Variants in DCC observed in about 807,000 individuals in gnomAD.
The protein encoded by DCC is DCC netrin 1 receptor.
DCC carries 58 observed loss-of-function variants against 172.5 expected under a neutral mutation model. The observed-to-expected ratio is 0.34, with a 90% CI of 0.27 to 0.42. The LOEUF (loss-of-function observed/expected upper bound fraction) is 0.42, where lower values mean the gene tolerates loss of function less well. Among genes scored for constraint, DCC ranks in the 10% least tolerant of loss-of-function variants. The probability of loss-of-function intolerance (pLI) is 1.00; values close to 1 mark genes in which losing one functional copy is unlikely to be tolerated. For synonymous variants in DCC, 709 were observed against 644.5 expected, an observed-to-expected ratio of 1.10 and a Z score of -1.52; for missense variants, 1,740 against 1,791.0, an observed-to-expected ratio of 0.97 and a Z score of 0.51.
At chr18:53,018,106 C>A (rs1263011943) in intron 5 of DCC, among the ~76,000 whole-genome samples, 4 of 152,148 alleles carry the variant, frequency 2.6e-5, no homozygotes, top group Non-Finnish European at 4.4e-5. Flanking sequence ...CACCATGGCA[C>A]GTGTATACCT....
chr18:53,082,076 C>T (rs1405291388), intron 7 of DCC, among the ~76,000 whole-genome samples: 1 of 152,086 alleles, frequency 6.6e-6, no homozygotes, highest in Admixed American at 6.6e-5. Flanking sequence ...CGTTGGTCCC[C>T]ATGCAGCAGT....
At chr18:53,064,578 A>G (rs986261855) in intron 6 of DCC, among the ~76,000 whole-genome samples, 2 of 152,138 alleles carry the variant, frequency 1.3e-5, no homozygotes, top group African/African-American at 4.8e-5. Context: ...ACTTTCAGAA[A>G]CTTTCATAAT....
intron 1 of DCC, among the ~76,000 whole-genome samples, chr18:52,418,758 A>C (rs772978391): frequency 1.6e-4 from 24 of 152,042 alleles, no homozygotes; most frequent in African/African-American, 5.8e-4. Flanking sequence ...CCAATACAAA[A>C]TATCCTAGGA....
intron 2 of DCC, among the ~76,000 whole-genome samples, chr18:52,872,269 G>A (rs941800522): frequency 6.6e-6 from 1 of 152,176 alleles, no homozygotes; most frequent in African/African-American, 2.4e-5. Context: ...GCTAGCAAAG[G>A]TGGGTGGTCT....
chr18:53,184,891 C>A (rs543868610), intron 9 of DCC, among the ~76,000 whole-genome samples: 1 of 152,216 alleles, frequency 6.6e-6, no homozygotes, highest in African/African-American at 2.4e-5. Flanking sequence ...TTGATCACAG[C>A]TCTGTCTAGC....
chr18:52,755,927 G>T (rs1360525581), intron 2 of DCC, among the ~76,000 whole-genome samples: 1 of 152,146 alleles, frequency 6.6e-6, no homozygotes, highest in Non-Finnish European at 1.5e-5. Flanking sequence ...CTTCTCAAGT[G>T]CTCTTAAAGG....
intron 1 of DCC, among the ~76,000 whole-genome samples, chr18:52,643,401 A>G (rs1436509178): frequency 1.3e-5 from 2 of 152,194 alleles, no homozygotes; most frequent in African/African-American, 4.8e-5. Flanking sequence ...GGTTGAAGAA[A>G]TTAGGGAATA....
chr18:52,863,029 T>A (rs572040572), intron 2 of DCC, among the ~76,000 whole-genome samples: 1 of 152,250 alleles, frequency 6.6e-6, no homozygotes, highest in South Asian at 2.1e-4. Flanking sequence ...CCAGAGAAGA[T>A]ATTCATAAAC....
intron 13 of DCC, among the ~76,000 whole-genome samples, chr18:53,320,915 G>C (rs890246392): frequency 7.9e-5 from 12 of 152,162 alleles, no homozygotes; most frequent in African/African-American, 2.9e-4. Flanking sequence ...TTAGAGGACA[G>C]AAATTTGTGT....
chr18:53,378,399 C>T (rs746771490), intron 15 of DCC, among the ~76,000 whole-genome samples: 6 of 149,968 alleles, frequency 4.0e-5, no homozygotes, highest in Non-Finnish European at 7.4e-5. Context: ...TGTTCAATGG[C>T]GATTGTTGAG....
intron 15 of DCC, among the ~76,000 whole-genome samples, chr18:53,343,066 GT>G (rs2057680831): frequency 2.0e-5 from 3 of 151,428 alleles, no homozygotes; most frequent in Non-Finnish European, 4.4e-5. Flanking sequence ...TATTCCATTA[GT>G]TTTTTAGATT....
intron 5 of DCC, among the ~76,000 whole-genome samples, chr18:53,021,560 G>GGT (rs575218413): frequency 6.8e-4 from 104 of 152,216 alleles, no homozygotes; most frequent in African/African-American, 2.3e-3. Flanking sequence ...TTACGTGTGT[G>GGT]TGTGTGTGTG....
intron 12 of DCC, among the ~76,000 whole-genome samples, chr18:53,216,470 TCTTAGCAAAGTTTTCAAC>T (rs1568370745): frequency 6.6e-6 from 1 of 152,210 alleles, no homozygotes; most frequent in South Asian, 2.1e-4. Context: ...AACTATTTGG[TCTTAGCAAAGTTTTCAAC>T]CTTAGCAAAC....
chr18:52,878,236 C>T (rs1390018037), intron 2 of DCC, among the ~76,000 whole-genome samples: 1 of 152,170 alleles, frequency 6.6e-6, no homozygotes, highest in African/African-American at 2.4e-5. Context: ...ATTCACACTG[C>T]CTCATAGCCA....
At chr18:53,025,795 TACACACACACACACAC>T (rs34351949) in intron 5 of DCC, among the ~76,000 whole-genome samples, 7 of 141,510 alleles carry the variant, frequency 4.9e-5, no homozygotes, top group Non-Finnish European at 9.2e-5. Flanking sequence ...AAAACTATGA[TACACACACACACACAC>T]ACACACACAC....
intron 1 of DCC, among the ~76,000 whole-genome samples, chr18:52,535,053 A>G (rs750245221): frequency 6.6e-6 from 1 of 152,174 alleles, no homozygotes; most frequent in Non-Finnish European, 1.5e-5. Flanking sequence ...AGCAATATGC[A>G]TAAGTTGTCT....
intron 22 of DCC, among the ~76,000 whole-genome samples, chr18:53,441,958 T>C (rs1344786252): frequency 6.6e-6 from 1 of 152,242 alleles, no homozygotes; most frequent in African/African-American, 2.4e-5. Context: ...TTGCTGGCTG[T>C]GTTCCAGGCA....
At chr18:52,767,976 A>G (rs1163172923) in intron 2 of DCC, among the ~76,000 whole-genome samples, 2 of 152,242 alleles carry the variant, frequency 1.3e-5, no homozygotes, top group Non-Finnish European at 2.9e-5. Flanking sequence ...GACAATAACA[A>G]GGAGGATTAC....
At chr18:53,327,671 C>A (rs913405942) in intron 14 of DCC, among the ~76,000 whole-genome samples, 1 of 151,956 alleles carries the variant, frequency 6.6e-6, no homozygotes. Context: ...CCTTATTAAC[C>A]CAAACTGGTA....
Sources: allele counts gnomAD v4.1 joint callset (sites outside exome capture counted in the v4.1 genomes callset), GRCh38; gene constraint gnomAD v4.1.1; transcripts MANE v1.5; gene names NCBI Gene and HGNC (gene_info 2026-07-23, HGNC 2026-07-21).